The following LCTL variants were observed in gnomAD, a reference collection of about 807,000 sequenced individuals.
The protein encoded by LCTL is lactase-like protein.
A neutral mutation model predicts 75.8 loss-of-function variants in LCTL; 76 were observed. The ratio of observed to expected loss-of-function variants is 1.00; its 90% CI spans 0.83 to 1.21. The LOEUF is 1.21. LCTL is among the 50% of genes most tolerant of loss of function. The pLI is 0.00. For missense variants in LCTL, 670 were observed against 712.4 expected (o/e 0.94, Z 0.68); for synonymous variants, 271 against 268.8 (o/e 1.01, Z -0.08).
chr15:66,557,624 A>G (rs1261318906), intron 8 of LCTL, 98 bp downstream of exon 9: 3 of 1,218,362 alleles, frequency 2.5e-6, no homozygotes, highest in Admixed American at 2.0e-5. Context: ...TACCTCACCC[A>G]GGCCCAGTGA....
exon 8 of LCTL, chr15:66,557,795 T>A (rs138631025): frequency 2.1e-4 from 332 of 1,614,016 alleles, no homozygotes; most frequent in Non-Finnish European, 2.7e-4. Context: ...GACAGAACTG[T>A]AGGTATCTCT....
At chr15:66,564,567 C>T (rs1051176578) in intron 2 of LCTL, 109 bp downstream of exon 3, 1 of 1,269,812 alleles carries the variant, frequency 7.9e-7, no homozygotes, top group Non-Finnish European at 1.1e-6. Context: ...ATGGGGATGA[C>T]ATTGTCATCA....
intron 3 of LCTL, 77 bp downstream of exon 4, chr15:66,563,834 A>G: frequency 1.7e-6 from 2 of 1,159,310 alleles, no homozygotes; most frequent in Non-Finnish European, 1.3e-6. Context: ...CCTCCCCAGG[A>G]CTCTGTGGTG....
chr15:66,561,055 A>G (rs571179572), exon 6 of LCTL: 4 of 1,614,192 alleles, frequency 2.5e-6, no homozygotes, highest in African/African-American at 2.7e-5. Flanking sequence ...GCGGAGCTTC[A>G]GGCCCGGCGC....
At chr15:66,554,670 A>G (rs1313539741) in intron 8 of LCTL, among the ~76,000 whole-genome samples, 1 of 152,212 alleles carries the variant, frequency 6.6e-6, no homozygotes, top group Non-Finnish European at 1.5e-5. Flanking sequence ...GTGGCAAAAG[A>G]TTGGAAACAA....
chr15:66,558,663 TG>T (rs1895798898), intron 6 of LCTL, among the ~76,000 whole-genome samples: 1 of 149,940 alleles, frequency 6.7e-6, no homozygotes, highest in Non-Finnish European at 1.5e-5. Context: ...CAAGAATCTG[TG>T]GTTTTTGTGT....
At chr15:66,562,978 T>C (rs984418656) in intron 4 of LCTL, among the ~76,000 whole-genome samples, 5 of 152,364 alleles carry the variant, frequency 3.3e-5, no homozygotes, top group Admixed American at 2.0e-4. Flanking sequence ...TCTTTTCACT[T>C]ACTACACACA....
At chr15:66,552,127 C>T (rs751408913) in exon 10 of LCTL, 15 of 1,613,102 alleles carry the variant, frequency 9.3e-6, no homozygotes, top group Non-Finnish European at 1.3e-5. Flanking sequence ...TTTTGAGATG[C>T]TCCATTTTCC....
Position 66,560,988 on chromosome 15 carries a change from CAGA to C in LCTL, c.705+15_705+17del, listed in dbSNP as rs763189657. 76 of 1,612,066 alleles carry C rather than the reference CAGA, an allele frequency of 4.7e-5. No individual in the cohort carries two copies. In the African/African-American group the frequency reaches 9.7e-4, roughly 21 times the overall value. ...GCTGACCCTGAGGCTGTTCCTCCAC[CAGA>C]AGGACCCACCTCACCTTAATGATGT... On this transcript the variant is annotated intron_variant, in intron 6 of 12. Coordinates refer to ENST00000341509, the Ensembl canonical transcript of LCTL.
At chr15:66,548,605 T>G in exon 13 of LCTL, 1 of 1,538,360 alleles carries the variant, frequency 6.5e-7, no homozygotes, top group Non-Finnish European at 9.0e-7. Flanking sequence ...TAGCAAGGGC[T>G]CTGAAATGAC....
intron 8 of LCTL, among the ~76,000 whole-genome samples, chr15:66,556,601 G>A (rs953234712): frequency 2.0e-5 from 3 of 152,110 alleles, no homozygotes; most frequent in African/African-American, 4.8e-5. Context: ...CACCGTGCCC[G>A]GCTGACAATG....
At chr15:66,565,417 C>A (rs1380016824) in exon 1 of LCTL, 1 of 1,214,980 alleles carries the variant, frequency 8.2e-7, no homozygotes, top group Non-Finnish European at 1.2e-6. Flanking sequence ...TCTGCAGGCC[C>A]CTGCAGCCAG....
intron 2 of LCTL, chr15:66,564,398 C>T: frequency 2.1e-6 from 1 of 485,676 alleles, no homozygotes; most frequent in Non-Finnish European, 3.7e-6. Context: ...GGGATCAGCC[C>T]TTCAGCTCCC....
chr15:66,557,905 G>C (rs1895780425), intron 7 of LCTL, 22 bp from the exon 9 acceptor site: 1 of 1,612,228 alleles, frequency 6.2e-7, no homozygotes, highest in Non-Finnish European at 8.5e-7. Context: ...AGAAAGAAAA[G>C]GGAGTGGGGA....
At chr15:66,558,681 GTGTGTGTT>G (rs1210180975) in intron 6 of LCTL, among the ~76,000 whole-genome samples, 2 of 90,940 alleles carry the variant, frequency 2.2e-5, no homozygotes, top group Non-Finnish European at 4.7e-5. Flanking sequence ...GTGTGTGTGT[GTGTGTGTT>G]TTTTTTTTTT....
intron 9 of LCTL, among the ~76,000 whole-genome samples, chr15:66,552,749 G>A (rs1595932355): frequency 6.6e-6 from 1 of 151,784 alleles, no homozygotes; most frequent in African/African-American, 2.4e-5. Flanking sequence ...CAGTTTAGGT[G>A]TGAAGGACAG....
intron 6 of LCTL, among the ~76,000 whole-genome samples, chr15:66,559,796 A>G (rs1181193090): frequency 1.3e-5 from 2 of 152,198 alleles, no homozygotes; most frequent in African/African-American, 4.8e-5. Flanking sequence ...AATATTAAAA[A>G]TATCTTGAGG....
chr15:66,558,022 G>A, exon 7 of LCTL: 1 of 1,605,752 alleles, frequency 6.2e-7, no homozygotes, highest in Non-Finnish European at 8.5e-7. Flanking sequence ...AAGAATGCCA[G>A]GCTTTGGCGT....
chr15:66,550,222 T>G lies in LCTL; in HGVS notation c.1525-118A>C, dbSNP rs1318584596. On this transcript the variant is annotated intron_variant, in intron 11 of 12. Coordinates refer to ENST00000341509, the Ensembl canonical transcript of LCTL. ...TATTTTTTAAAATCTATCTGTAGTTTATGTTTTTAAATCATTTTGTAGTTT... is the reference window on the plus strand; with the variant it reads ...TATTTTTTAAAATCTATCTGTAGTTGATGTTTTTAAATCATTTTGTAGTTT... 6.4e-6 allele frequency: 4 copies of G among 627,526 alleles called. No homozygotes were observed. The African/African-American group carries it at 7.5e-5, about 12-fold the overall frequency. The allele number at this position is 627,526 out of a possible 1,614,324, so 38.9% of individuals were successfully genotyped here.
Sources: gnomAD v4.1 joint callset for allele counts (sites outside exome capture counted in the v4.1 genomes callset) on GRCh38, gnomAD v4.1.1 for gene constraint, MANE v1.5 for transcripts, NCBI Gene and HGNC (gene_info 2026-07-23, HGNC 2026-07-21) for gene names.